The following RBFOX1 variants were observed in gnomAD, a reference collection of about 807,000 sequenced individuals.
RBFOX1 encodes RNA binding fox-1 homolog 1.
A neutral mutation model predicts 57.7 loss-of-function variants in RBFOX1; 8 were observed. That is an observed-to-expected ratio of 0.14 (90% confidence interval 0.08 to 0.25). The LOEUF is 0.25. Ranked by LOEUF, RBFOX1 falls within the 10% of genes least tolerant of loss-of-function variation. RBFOX1 has a pLI of 1.00. For missense variants in RBFOX1, 611 were observed against 548.5 expected (o/e 1.11, Z -1.14); for synonymous variants, 326 against 222.4 (o/e 1.47, Z -4.15).
At chr16:5,385,636 C>G (rs961373617) in intron 1 of RBFOX1, among the ~76,000 whole-genome samples, 1 of 152,122 alleles carries the variant, frequency 6.6e-6, no homozygotes, top group Non-Finnish European at 1.5e-5. Context: ...CAGAATTTGC[C>G]GGAAGGTTCT....
At chr16:6,816,119 G>A (rs962115887) in intron 3 of RBFOX1, among the ~76,000 whole-genome samples, 4 of 152,118 alleles carry the variant, frequency 2.6e-5, no homozygotes, top group Non-Finnish European at 5.9e-5. Context: ...ACCAGCCTGT[G>A]CAACATGAGG....
intron 2 of RBFOX1, among the ~76,000 whole-genome samples, chr16:6,586,671 A>G (rs1162602106): frequency 6.6e-6 from 1 of 152,148 alleles, no homozygotes; most frequent in African/African-American, 2.4e-5. Context: ...AAGTGGCAAG[A>G]TGGCTTCCAG....
intron 3 of RBFOX1, among the ~76,000 whole-genome samples, chr16:5,801,324 T>A (rs1473747233): frequency 2.0e-5 from 3 of 148,956 alleles, no homozygotes; most frequent in Non-Finnish European, 4.4e-5. Flanking sequence ...TATCTGCCTC[T>A]CTCTCCCTCC....
At chr16:6,845,047 T>A (rs7187813) in intron 3 of RBFOX1, among the ~76,000 whole-genome samples, 171 of 152,292 alleles carry the variant, frequency 1.1e-3, no homozygotes, top group African/African-American at 3.4e-3. Context: ...TTCTTGCACA[T>A]TTGCTTGAGT....
At chr16:5,355,311 G>T (rs1321615765) in intron 1 of RBFOX1, among the ~76,000 whole-genome samples, 1 of 152,198 alleles carries the variant, frequency 6.6e-6, no homozygotes, top group Non-Finnish European at 1.5e-5. Flanking sequence ...GGTGTGGCAG[G>T]ACGCAGGGAC....
rs370596270 is a variant in RBFOX1 at position 5,982,712 on chromosome 16, GC to G, written c.351+115382del. ...TCCTGACCATCTTGACTAATAAGCA[GC>G]CCCCTTGTCATCTCTCTTTCTCCTT... On this transcript the variant is annotated intron_variant, in intron 4 of 19. Coordinates refer to the RBFOX1 transcript ENST00000641259. 1.1e-3 allele frequency among the ~76,000 whole-genome samples: 173 copies of G among 152,240 alleles called. 1 individual carries two copies. The highest frequency in any genetic ancestry group is 2.8e-3 in the African/African-American group (116 of 41,526).
intron 2 of RBFOX1, among the ~76,000 whole-genome samples, chr16:6,359,134 C>T (rs2087931667): frequency 6.6e-6 from 1 of 152,072 alleles, no homozygotes; most frequent in Non-Finnish European, 1.5e-5. Flanking sequence ...GCTCTGTCAC[C>T]CAGGCTGGAG....
chr16:6,077,673 C>T (rs569119435), intron 1 of RBFOX1, among the ~76,000 whole-genome samples: 7 of 105,210 alleles, frequency 6.7e-5, no homozygotes, highest in East Asian at 2.5e-4. Flanking sequence ...GTCAACCTTG[C>T]CTTCTTTTAT....
intron 3 of RBFOX1, among the ~76,000 whole-genome samples, chr16:5,618,260 G>A (rs535679503): frequency 6.6e-6 from 1 of 152,228 alleles, no homozygotes; most frequent in East Asian, 1.9e-4. Flanking sequence ...TTCCTTTGCT[G>A]TGATGATGGC....
intron 3 of RBFOX1, among the ~76,000 whole-genome samples, chr16:6,861,050 A>T (rs1046311844): frequency 6.6e-6 from 1 of 152,150 alleles, no homozygotes; most frequent in African/African-American, 2.4e-5. Context: ...AGCGGTTGTA[A>T]TCTGCGAGAG....
chr16:5,493,785 C>T (rs916866222), intron 2 of RBFOX1, among the ~76,000 whole-genome samples: 25 of 152,188 alleles, frequency 1.6e-4, no homozygotes, highest in Admixed American at 7.2e-4. Flanking sequence ...AGACCTTGAA[C>T]GCACAAGGTA....
At chr16:7,653,077 GCA>G (rs1263165915) in intron 11 of RBFOX1, among the ~76,000 whole-genome samples, 1 of 152,132 alleles carries the variant, frequency 6.6e-6, no homozygotes. Context: ...ATATATACAT[GCA>G]CACATTCATA....
intron 2 of RBFOX1, among the ~76,000 whole-genome samples, chr16:6,458,068 T>G (rs889262701): frequency 1.3e-5 from 2 of 152,034 alleles, no homozygotes; most frequent in African/African-American, 4.8e-5. Flanking sequence ...TAAATGAAGA[T>G]ATTGAAGCTG....
intron 3 of RBFOX1, among the ~76,000 whole-genome samples, chr16:6,971,071 A>G (rs1043781262): frequency 6.6e-6 from 1 of 152,222 alleles, no homozygotes; most frequent in African/African-American, 2.4e-5. Flanking sequence ...GATGAAAAGG[A>G]CACATGCGTT....
intron 2 of RBFOX1, among the ~76,000 whole-genome samples, chr16:5,573,147 C>G (rs1293426699): frequency 5.3e-5 from 8 of 152,106 alleles, no homozygotes; most frequent in Non-Finnish European, 8.8e-5. Flanking sequence ...TTATGAAACT[C>G]AAGTTGGGAG....
intron 4 of RBFOX1, among the ~76,000 whole-genome samples, chr16:5,890,303 A>C (rs1479530793): frequency 6.6e-6 from 1 of 152,154 alleles, no homozygotes; most frequent in Non-Finnish European, 1.5e-5. Context: ...TTTCATGTTG[A>C]CTGACTTTAC....
intron 3 of RBFOX1, among the ~76,000 whole-genome samples, chr16:6,730,541 A>G (rs145149322): frequency 2.0e-4 from 31 of 152,288 alleles, no homozygotes; most frequent in Middle Eastern, 3.4e-3. Context: ...CTATCAATCT[A>G]TGTATCTATG....
chr16:7,413,017 G>C lies in RBFOX1; in HGVS notation c.28-105130G>C, dbSNP rs543957524. On this transcript the variant is annotated intron_variant, in intron 4 of 15. Transcript: ENST00000550418. The stretch of plus-strand genomic sequence containing the variant: ...AGATCACGCCACTGCACTCCAGCCC[G>C]GGCGAAAGAGCGAGACTCCGTCTCA... Among the ~76,000 whole-genome samples the C allele has an allele frequency of 3.1e-4, 47 of 151,966 alleles. No individual in the cohort carries two copies. In the South Asian group the frequency reaches 9.5e-3, roughly 31 times the overall value.
chr16:6,804,695 C>T (rs752494846), intron 3 of RBFOX1, among the ~76,000 whole-genome samples: 4 of 152,070 alleles, frequency 2.6e-5, no homozygotes, highest in Non-Finnish European at 5.9e-5. Flanking sequence ...GAGTGCTGAC[C>T]TCACACATGA....
Sources: gnomAD v4.1 joint callset for allele counts (sites outside exome capture counted in the v4.1 genomes callset) on GRCh38, gnomAD v4.1.1 for gene constraint, MANE v1.5 for transcripts, NCBI Gene and HGNC (gene_info 2026-07-23, HGNC 2026-07-21) for gene names.